The following TTN variants were observed in gnomAD, a reference collection of about 807,000 sequenced individuals.
TTN encodes the protein connectin.
TTN carries 1,525 observed loss-of-function variants against 3,223.0 expected under a neutral mutation model. The ratio of observed to expected loss-of-function variants is 0.47; its 90% confidence interval spans 0.45 to 0.49. TTN has a LOEUF of 0.49. Among genes scored for constraint, TTN ranks in the 20% least tolerant of loss-of-function variants. The pLI is 0.00. For missense variants in TTN, 40,786 were observed against 43,424.0 expected, an observed-to-expected ratio of 0.94 and a Z score of 5.40; for synonymous variants, 14,094 against 15,161.0, an observed-to-expected ratio of 0.93 and a Z score of 5.17.
chr2:178,570,690 C>G lies in TTN; in HGVS notation c.75442G>C (p.Gly25148Arg). The G allele has an allele frequency of 6.8e-6, 11 of 1,613,510 alleles. No homozygotes were observed. The highest frequency in any genetic ancestry group is 9.3e-6 in the Non-Finnish European group (11 of 1,179,596). ...GCTGTGTTTGAAAGCTCCTGATCAC[C>G]TTTTATCCACTGAATGGTTGGTATT... ...KPIPTIQWIK[G>R]DQELSNTARL... Residue 25148 changes from glycine to arginine, a missense_variant, in exon 326 of 363, where the codon GGT becomes CGT. Coordinates refer to ENST00000589042, the MANE Select transcript of TTN (RefSeq NM_001267550.2).
At position 178,732,871 on chromosome 2, in the gene TTN, C is replaced by T; in HGVS notation, c.16305G>A (p.Val5435=). Residue 5435 remains valine (V), a synonymous_variant, in exon 55 of 363, where the codon GTG becomes GTA. Coordinates refer to ENST00000589042, the MANE Select transcript of TTN (RefSeq NM_001267550.2). ...GGGCTCCACTGCTGTCTTTGCTTCC[C>T]ACGGAATTTGTGGCTCGACAAGTGA... ...GNFTCRATNS[V]GSKDSSGALI... The T allele has an allele frequency of 2.5e-6, 4 of 1,613,374 alleles. No homozygotes were observed. Among genetic ancestry groups the T allele is most frequent in the Non-Finnish European group, 3.4e-6 (4 of 1,179,562 alleles).
Position 178,630,488 on chromosome 2 carries a change from C to A in TTN, c.44155-121G>T. ...TAAATGGTGATGAAACTTTATATAACTTTGAGCTCTTTTTTTAGGAAGTAA... is the reference window on the plus strand; with the variant it reads ...TAAATGGTGATGAAACTTTATATAAATTTGAGCTCTTTTTTTAGGAAGTAA... On this transcript the variant is annotated intron_variant, in intron 238 of 362. Coordinates refer to ENST00000589042, the MANE Select transcript of TTN (RefSeq NM_001267550.2). 3 of 1,261,092 alleles carry A rather than the reference C, an allele frequency of 2.4e-6. No homozygotes were observed. In the South Asian group the frequency reaches 4.3e-5, roughly 18 times the overall value. The allele number at this position is 1,261,092 out of a possible 1,614,324, so 78.1% of individuals were successfully genotyped here.
rs886055269 is a variant in TTN at position 178,609,248 on chromosome 2, G to T, written c.52062C>A (p.Asp17354Glu). 1.3e-6 allele frequency: 2 copies of T among 1,533,218 alleles called. No homozygotes were observed. The highest frequency in any genetic ancestry group is 2.1e-5 in the Admixed American group (1 of 46,978). The allele number at this position is 1,533,218 out of a possible 1,614,324, so 95.0% of individuals were successfully genotyped here. The change falls in exon 273 of 363, where the codon GAC becomes GAA. Residue 17354 changes from aspartate (D) to glutamate (E), a missense_variant. Transcript: ENST00000589042. Reference sequence around the variant, plus strand: ...TACAAGGAGCTTTTGCAATACCGTGGTCATTTTCAACTTTGATCATATACA... The same window carrying T: ...TACAAGGAGCTTTTGCAATACCGTGTTCATTTTCAACTTTGATCATATACA... ...HGLYMIKVEN[D>E]HGIAKAPCTV...
intron 208 of TTN, 116 bp downstream of exon 208, chr2:178,651,127 A>C: frequency 1.2e-6 from 1 of 832,668 alleles, no homozygotes; most frequent in Non-Finnish European, 1.9e-6. Context: ...AAAAATCCAG[A>C]ATGACAGTTT....
At position 178,717,137 on chromosome 2, in the gene TTN, T is replaced by C. The variant is rs367921306; in HGVS notation, c.25597A>G (p.Ile8533Val). The C allele has an allele frequency of 1.2e-5, 20 of 1,613,440 alleles. No homozygotes were observed. In the East Asian group the frequency reaches 2.5e-4, roughly 20 times the overall value. ...AGQYTCYASN[I>V]AGKDSCSAQL... is the part of the protein sequence containing the mutation. ...GCAGAACAAGAGTCTTTTCCAGCGA[T>C]GTTGCTTGCATAGCAGGTGTACTGC... Residue 8533 changes from isoleucine (I) to valine (V), a missense_variant, in exon 88 of 363, where the codon ATC becomes GTC. By Grantham distance (29) the Ile-to-Val change is conservative (BLOSUM62 3). Coordinates refer to ENST00000589042, the MANE Select transcript of TTN (RefSeq NM_001267550.2).
intron 106 of TTN, among the ~76,000 whole-genome samples, chr2:178,703,313 C>A (rs1445008495): frequency 6.6e-6 from 1 of 151,938 alleles, no homozygotes; most frequent in Non-Finnish European, 1.5e-5. Flanking sequence ...CTGGTGAGCT[C>A]TATTTACTAA....
Position 178,555,034 on chromosome 2 carries a change from A to AT in TTN, c.88424dup (p.Tyr29475Ter). ...SGKPAPTIEW[Y>*]KDDKELQTNA... Reference sequence around the variant, plus strand: ...TGGTTTGTAATTCTTTATCATCTTTATACCACTCAATAGTAGGCGCAGGTT... The same window carrying AT: ...TGGTTTGTAATTCTTTATCATCTTTATTACCACTCAATAGTAGGCGCAGGTT... The change falls in exon 331 of 363, where the codon TAT (tyrosine) becomes TAAT (stop). Residue 29475 changes from tyrosine (Y) to a stop codon, truncating the protein, a stop_gained and frameshift_variant. Transcript: ENST00000589042. LOFTEE classifies it high-confidence loss of function. The AT allele has an allele frequency of 6.2e-7, 1 of 1,613,744 alleles. No homozygotes were observed. The highest frequency in any genetic ancestry group is 2.2e-5 in the East Asian group (1 of 44,776).
rs1172670720 is a variant in TTN, at chr2:178,689,153, C to A, written c.32012-17G>T. The A allele has an allele frequency of 1.3e-6, 2 of 1,596,860 alleles. No individual in the cohort carries two copies. Among genetic ancestry groups the A allele is most frequent in the Non-Finnish European group, 1.7e-6 (2 of 1,174,810 alleles). ...GAGCTGGCACTTTAGAGACATTATG[C>A]ACTTTTAGAAATTTAATGTGATCTC... On this transcript the variant is annotated splice_polypyrimidine_tract_variant and intron_variant, in intron 124 of 362. Coordinates refer to ENST00000589042, the MANE Select transcript of TTN (RefSeq NM_001267550.2).
chr2:178,647,223 G>A (rs998120439), intron 214 of TTN, 79 bp from the exon 215 acceptor site: 1 of 1,136,202 alleles, frequency 8.8e-7, no homozygotes, highest in Non-Finnish European at 1.2e-6. Context: ...TATCAACCTA[G>A]TTACATTAAG....
rs760080560 is a variant in TTN, at chr2:178,591,093, T to G, written c.60632A>C (p.Lys20211Thr). The change falls in exon 304 of 363, where the codon AAA (lysine) becomes ACA (threonine). Residue 20211 changes from lysine (K) to threonine (T), a missense_variant. Transcript: ENST00000589042. The part of the protein sequence containing the change: ...GSPVINYIVE[K>T]QDTRKDTWGV... ...CCACGTGTCTTTCCTTGTATCTTGT[T>G]TCTCAACAATATAATTTATCACAGG... 1 of 1,613,336 alleles carries G rather than the reference T, an allele frequency of 6.2e-7. No homozygotes were observed. Among genetic ancestry groups the G allele is most frequent in the Non-Finnish European group, 8.5e-7 (1 of 1,179,554 alleles).
In TTN at chr2:178,721,046, G is replaced by A; in HGVS notation, c.22973C>T (p.Ser7658Leu). Residue 7658 changes from serine to leucine, a missense_variant, in exon 79 of 363, where the codon TCA becomes TTA. Ser to Leu is a moderately radical substitution (Grantham distance 145). Coordinates refer to ENST00000589042, the MANE Select transcript of TTN (RefSeq NM_001267550.2). Reference protein sequence around the residue: ...ELHESWKYNMSFINSVALLTI... With the variant: ...ELHESWKYNMLFINSVALLTI... ...AAGCAATGCCACAGAATTAATGAATGACATGTTGTATTTCCAACTTTCATG... is the reference window on the plus strand; with the variant it reads ...AAGCAATGCCACAGAATTAATGAATAACATGTTGTATTTCCAACTTTCATG... 2 of 1,613,352 alleles carry A rather than the reference G, an allele frequency of 1.2e-6. No homozygotes were observed. Among genetic ancestry groups the A allele is most frequent in the Non-Finnish European group, 1.7e-6 (2 of 1,179,410 alleles).
At position 178,619,886 on chromosome 2, in the gene TTN, T is replaced by A. The variant is rs879176400; in HGVS notation, c.46431A>T (p.Glu15477Asp). 1 of 1,605,504 alleles carries A rather than the reference T, an allele frequency of 6.2e-7. No homozygotes were observed. The highest frequency in any genetic ancestry group is 2.2e-5 in the East Asian group (1 of 44,598). The part of the protein sequence containing the change: ...RKSRARLFVE[E>D]IPVEIIRPPQ... ...GAGGCCTGATGATCTCAACAGGAAT[T>A]TCTGGAAAGAAAATGTGAAATAAAT... The change falls in exon 250 of 363, where the codon GAA (glutamate) becomes GAT (aspartate). Residue 15477 changes from glutamate to aspartate, a missense_variant and splice_region_variant. Transcript: ENST00000589042.
At chr2:178,747,385 T>C (rs2083974313) in intron 47 of TTN, 1 of 1,613,380 alleles carries the variant, frequency 6.2e-7, no homozygotes, top group Non-Finnish European at 8.5e-7. Context: ...GATTAAAATA[T>C]AAGTCAGGGG....
At chr2:178,781,725 C>G (rs1266001100) in intron 20 of TTN, among the ~76,000 whole-genome samples, 1 of 152,144 alleles carries the variant, frequency 6.6e-6, no homozygotes, top group Non-Finnish European at 1.5e-5. Context: ...CCAGGTTGCT[C>G]TTTTTATCTT....
chr2:178,677,697 T>A lies in TTN; in HGVS notation c.34215A>T (p.Val11405=). 6.2e-7 allele frequency: 1 copy of A among 1,612,752 alleles called. No homozygotes were observed. Among genetic ancestry groups the A allele is most frequent in the Non-Finnish European group, 8.5e-7 (1 of 1,179,166 alleles). Residue 11405 remains valine (V), a synonymous_variant, in exon 146 of 363, where the codon GTA becomes GTT. Transcript: ENST00000589042. ...EEEVPPEEEY[V]PEEEEFVPEE... ...CAGGTACAAATTCTTCTTCCTCAGG[T>A]ACATATTCTTCTTCGGGAGGAACTT... is the stretch of plus-strand genomic sequence containing the variant.
At chr2:178,758,615 T>C (rs1027966615) in intron 44 of TTN, 1 of 310,940 alleles carries the variant, frequency 3.2e-6, no homozygotes, top group Non-Finnish European at 6.2e-6. Context: ...GATAACACTC[T>C]TAGATGTTTT....
intron 350 of TTN, among the ~76,000 whole-genome samples, chr2:178,540,711 G>A (rs1018973145): frequency 6.6e-6 from 1 of 152,086 alleles, no homozygotes; most frequent in Non-Finnish European, 1.5e-5. Context: ...CAGAAGAATT[G>A]CTTGAACCTG....
rs561869617 is a variant in TTN at position 178,532,676 on chromosome 2, A to G, written c.103939T>C (p.Tyr34647His). 21 of 1,613,902 alleles carry G rather than the reference A, an allele frequency of 1.3e-5. No individual in the cohort carries two copies. Among genetic ancestry groups the G allele is most frequent in the South Asian group, 3.3e-5 (3 of 91,084 alleles). Residue 34647 changes from tyrosine (Y) to histidine (H), a missense_variant, in exon 358 of 363, where the codon TAC (tyrosine) becomes CAC (histidine). Physicochemically the swap from Tyr to His is moderately conservative, Grantham distance 83. Transcript: ENST00000589042. ...AGAGAACGTCTTCTAGGTCGGTAGT[A>G]AAAGTCATAATCAGGAGAAGGTGTA... ...RRTPSPDYDF[Y>H]YRPRRRSLGD...
intron 346 of TTN, 67 bp from the exon 347 acceptor site, chr2:178,543,729 A>G: frequency 2.0e-6 from 3 of 1,517,174 alleles, no homozygotes; most frequent in Non-Finnish European, 2.6e-6. Flanking sequence ...TTGGGGAAAT[A>G]TAATCAACAT....
Sources: allele counts gnomAD v4.1 joint callset (sites outside exome capture counted in the v4.1 genomes callset), GRCh38; gene constraint gnomAD v4.1.1; transcripts MANE v1.5; gene names NCBI Gene and HGNC (gene_info 2026-07-23, HGNC 2026-07-21).